The following TFDP2 variants were observed in gnomAD, a reference collection of about 807,000 sequenced individuals.
TFDP2 encodes transcription factor Dp-2, also known as transcription factor Dp-2 (E2F dimerization partner 2).
A neutral mutation model predicts 59.3 loss-of-function variants in TFDP2; 17 were observed. That is an observed-to-expected ratio of 0.29 (90% confidence interval 0.20 to 0.43). TFDP2 has a LOEUF of 0.43. Among genes scored for constraint, TFDP2 ranks in the 20% least tolerant of loss-of-function variants. The pLI, the probability that TFDP2 is intolerant of heterozygous loss-of-function variation, is 1.00. For synonymous variants in TFDP2, 180 were observed against 194.7 expected, an observed-to-expected ratio of 0.92 and a Z score of 0.63; for missense variants, 391 against 528.8, an observed-to-expected ratio of 0.74 and a Z score of 2.56.
At chr3:142,078,743 G>A (rs766611624) in intron 3 of TFDP2, among the ~76,000 whole-genome samples, 6 of 152,006 alleles carry the variant, frequency 3.9e-5, no homozygotes, top group South Asian at 2.1e-4. Flanking sequence ...TTCAGACATC[G>A]ATGAACATCC....
chr3:142,076,773 C>G (rs2060472442), intron 3 of TFDP2, among the ~76,000 whole-genome samples: 1 of 152,134 alleles, frequency 6.6e-6, no homozygotes, highest in East Asian at 1.9e-4. Flanking sequence ...AAAATATTAG[C>G]TGGGGAATGA....
chr3:141,956,263 T>C (rs1936620347), intron 11 of TFDP2, among the ~76,000 whole-genome samples: 1 of 152,150 alleles, frequency 6.6e-6, no homozygotes, highest in South Asian at 2.1e-4. Context: ...TACAACTCTA[T>C]AAAAAGACAA....
intron 3 of TFDP2, among the ~76,000 whole-genome samples, chr3:142,082,814 T>C (rs2060683668): frequency 6.6e-6 from 1 of 152,164 alleles, no homozygotes; most frequent in Non-Finnish European, 1.5e-5. Context: ...TTGATAAAAT[T>C]CAACATCGCT....
intron 6 of TFDP2, among the ~76,000 whole-genome samples, chr3:141,980,221 CAA>C (rs1559965882): frequency 1.3e-5 from 1 of 76,184 alleles, no homozygotes; most frequent in African/African-American, 5.2e-5. Context: ...CAGTGTTCAA[CAA>C]AAAAGTTTCA....
chr3:142,027,265 CTA>C (rs1479513735), intron 3 of TFDP2, among the ~76,000 whole-genome samples: 3 of 144,410 alleles, frequency 2.1e-5, no homozygotes, highest in African/African-American at 5.2e-5. Flanking sequence ...TTTTGTTACT[CTA>C]TGACTTTCAA....
intron 3 of TFDP2, among the ~76,000 whole-genome samples, chr3:142,064,385 C>G (rs891394031): frequency 6.6e-6 from 1 of 152,140 alleles, no homozygotes; most frequent in Non-Finnish European, 1.5e-5. Flanking sequence ...AACATGCCCT[C>G]TAGGTGACTC....
At chr3:142,046,188 G>A (rs919413382) in intron 3 of TFDP2, among the ~76,000 whole-genome samples, 38 of 152,138 alleles carry the variant, frequency 2.5e-4, no homozygotes, top group African/African-American at 8.9e-4. Context: ...CCATGTGCAC[G>A]TGATTGGCAA....
chr3:142,003,979 A>T (rs763937569), intron 4 of TFDP2, among the ~76,000 whole-genome samples: 10 of 152,332 alleles, frequency 6.6e-5, no homozygotes, highest in Non-Finnish European at 1.2e-4. Context: ...GACTCATAAA[A>T]ATTTGAGTAT....
intron 7 of TFDP2, among the ~76,000 whole-genome samples, chr3:141,977,108 T>TA (rs1559959540): frequency 0.015 from 1,060 of 68,876 alleles, 10 homozygotes; most frequent in Middle Eastern, 0.042. Flanking sequence ...ATATATATAT[T>TA]TTTTTTTTTT....
At chr3:142,029,149 A>G (rs1235118627) in intron 3 of TFDP2, 1 of 152,626 alleles carries the variant, frequency 6.6e-6, no homozygotes, top group African/African-American at 2.4e-5. Context: ...CAAAAGCACC[A>G]CGAGTTTCAG....
At chr3:142,026,577 G>A (rs138966737) in intron 3 of TFDP2, among the ~76,000 whole-genome samples, 2 of 152,266 alleles carry the variant, frequency 1.3e-5, no homozygotes, top group Admixed American at 6.5e-5. Flanking sequence ...TATTGAATAA[G>A]TGCCTCATAT....
chr3:142,011,874 G>A (rs1160980948), intron 3 of TFDP2, among the ~76,000 whole-genome samples: 1 of 152,086 alleles, frequency 6.6e-6, no homozygotes, highest in Non-Finnish European at 1.5e-5. Context: ...TGTTAGTGAA[G>A]GGAATACTGT....
chr3:142,048,749 A>G (rs1230145199), intron 3 of TFDP2, among the ~76,000 whole-genome samples: 2 of 152,036 alleles, frequency 1.3e-5, no homozygotes, highest in Admixed American at 6.6e-5. Context: ...ATTTTTTTGT[A>G]GAGACAATGT....
intron 1 of TFDP2, among the ~76,000 whole-genome samples, chr3:142,133,977 T>G (rs1210877372): frequency 2.7e-5 from 4 of 150,464 alleles, no homozygotes; most frequent in Non-Finnish European, 5.9e-5. Flanking sequence ...GAGGTGGCAG[T>G]GAGCCGAGAT....
rs575276910 is a variant in TFDP2 at position 142,090,681 on chromosome 3, C to T, written c.82+2380G>A. The T allele has an allele frequency of 2.6e-5, 4 of 152,234 alleles. No homozygotes were observed. The South Asian group carries it at 6.2e-4, about 24-fold the overall frequency. 9.4% of individuals were successfully genotyped at this position (152,234 alleles called of 1,614,324 possible). A position where few individuals can be genotyped will look rare whatever the true frequency, so the allele number is the denominator to read the frequency against. Reference sequence around the variant, plus strand: ...GTTCAAGTGATTCTCTTGCCTCAGCCTCCGCAGTAGCTGGGATTACAGACA... The same window carrying T: ...GTTCAAGTGATTCTCTTGCCTCAGCTTCCGCAGTAGCTGGGATTACAGACA... On this transcript the variant is annotated intron_variant, in intron 3 of 12. Coordinates refer to ENST00000489671, the MANE Select transcript of TFDP2 (RefSeq NM_001178139.2).
intron 1 of TFDP2, among the ~76,000 whole-genome samples, chr3:142,105,457 T>C (rs1217468583): frequency 6.6e-6 from 1 of 152,128 alleles, no homozygotes; most frequent in Admixed American, 6.5e-5. Context: ...GGTGTCCTTT[T>C]TCCCCACCCT....
Position 141,946,011 on chromosome 3 carries a change from G to A in TFDP2, c.*6502C>T, listed in dbSNP as rs906547805. The A allele has an allele frequency of 3.9e-5, 6 of 152,256 alleles. No individual in the cohort carries two copies. Among genetic ancestry groups the A allele is most frequent in the African/African-American group, 1.4e-4 (6 of 41,452 alleles). The allele number at this position is 152,256 out of a possible 1,614,324, so 9.4% of individuals were successfully genotyped here. A position where few individuals can be genotyped will look rare whatever the true frequency, so the allele number is the denominator to read the frequency against. The stretch of plus-strand genomic sequence containing the variant: ...AAACCTGACACCACAGCCTCATGCT[G>A]GGGCTCGGGAAAGGAGTCCCACTTC... On this transcript the variant is annotated 3_prime_UTR_variant, in exon 13 of 13. Coordinates refer to ENST00000489671, the MANE Select transcript of TFDP2 (RefSeq NM_001178139.2).
chr3:142,032,164 G>A (rs897065674), intron 3 of TFDP2, among the ~76,000 whole-genome samples: 1 of 151,730 alleles, frequency 6.6e-6, no homozygotes, highest in African/African-American at 2.4e-5. Flanking sequence ...GTGCAGTGGT[G>A]TGATCACAGC....
chr3:142,023,875 C>T (rs1202588848), intron 3 of TFDP2, among the ~76,000 whole-genome samples: 4 of 152,178 alleles, frequency 2.6e-5, no homozygotes, highest in East Asian at 1.9e-4. Flanking sequence ...ATGATCTCCA[C>T]TCACTGCAGC....
Sources: allele counts gnomAD v4.1 joint callset (sites outside exome capture counted in the v4.1 genomes callset), GRCh38; gene constraint gnomAD v4.1.1; transcripts MANE v1.5; gene names NCBI Gene and HGNC (gene_info 2026-07-23, HGNC 2026-07-21).